Variants in LAMTOR2 observed in about 807,000 individuals in gnomAD.
The protein encoded by LAMTOR2 is ragulator complex protein LAMTOR2.
LAMTOR2 carries 4 observed loss-of-function variants against 15.8 expected under a neutral mutation model. The ratio of observed to expected loss-of-function variants is 0.25; its 90% CI spans 0.12 to 0.58. LAMTOR2 has a LOEUF of 0.58. Among genes scored for constraint, LAMTOR2 ranks in the 20% least tolerant of loss-of-function variants. The probability of loss-of-function intolerance (pLI) is 0.91; values close to 1 mark genes in which losing one functional copy is unlikely to be tolerated. For missense variants in LAMTOR2, 100 were observed against 161.0 expected, an observed-to-expected ratio of 0.62 and a Z score of 2.05; for synonymous variants, 62 against 64.1, an observed-to-expected ratio of 0.97 and a Z score of 0.15.
intron 3 of LAMTOR2, 26 bp from the exon 4 acceptor site, chr1:156,058,289 G>A: frequency 1.2e-6 from 2 of 1,614,096 alleles, no homozygotes; most frequent in African/African-American, 1.3e-5. Flanking sequence ...CTGTGTGCGG[G>A]ACTGATCTCT....
chr1:156,056,188 AG>A (rs927966425), intron 2 of LAMTOR2, among the ~76,000 whole-genome samples: 7 of 152,128 alleles, frequency 4.6e-5, no homozygotes, highest in Admixed American at 1.3e-4. Context: ...ATTTTTCCAG[AG>A]ACTGGGTTTT....
chr1:156,055,689 C>T lies in LAMTOR2; in HGVS notation c.231+264C>T. On this transcript the variant is annotated intron_variant, in intron 2 of 3. Transcript: ENST00000368305. This position sits in a 1 kb window ranked among gnomAD's most constrained non-coding sequence, Gnocchi z 4.8. ...GTGGAACCTTGGGTAAGTCGCTTAA[C>T]CTCTCTCAGCTTCCTTACCTCATGT... 1.9e-6 allele frequency: 1 copy of T among 519,926 alleles called. No homozygotes were observed. Among genetic ancestry groups the T allele is most frequent in the Non-Finnish European group, 3.5e-6 (1 of 286,228 alleles). The allele number at this position is 519,926 out of a possible 1,614,324, so 32.2% of individuals were successfully genotyped here.
rs889095551 is a variant in LAMTOR2, at chr1:156,058,064, C to G, written c.318C>G (p.Ala106=). Residue 106 remains alanine (A), a synonymous_variant, in exon 3 of 4, where the codon GCC becomes GCG. Coordinates refer to ENST00000368305, the MANE Select transcript of LAMTOR2 (RefSeq NM_014017.4). ...CCGTGGGCTTTGGAATGCTCAAGGC[C>G]AAGGTGTGTATGTGCCCATCCCTCC... ...KETVGFGMLK[A]KAQALVQYLE... is the part of the protein sequence containing the mutation. The G allele has an allele frequency of 2.5e-6, 4 of 1,613,968 alleles. No individual in the cohort carries two copies. The Admixed American group carries it at 6.7e-5, about 27-fold the overall frequency.
Position 156,057,886 on chromosome 1 carries a change from A to T in LAMTOR2, c.232-92A>T, listed in dbSNP as rs929423708. On this transcript the variant is annotated intron_variant, in intron 2 of 3. Coordinates refer to ENST00000368305, the MANE Select transcript of LAMTOR2 (RefSeq NM_014017.4). ...TGTGCCCAGGGCATGGGAGGAAGAT[A>T]TAGTCTCTCTGGGGCCAGAGAAGCC... 5.8e-6 allele frequency: 7 copies of T among 1,203,752 alleles called. No homozygotes were observed. In the African/African-American group the frequency reaches 9.0e-5, roughly 15 times the overall value. The allele number at this position is 1,203,752 out of a possible 1,614,324, so 74.6% of individuals were successfully genotyped here. A position where few individuals can be genotyped will look rare whatever the true frequency, so the allele number is the denominator to read the frequency against.
Position 156,058,420 on chromosome 1 carries a change from G to GCCCC in LAMTOR2, c.*49_*50insCCCC. 6.2e-7 allele frequency: 1 copy of GCCCC among 1,602,944 alleles called. No individual in the cohort carries two copies. The highest frequency in any genetic ancestry group is 8.5e-7 in the Non-Finnish European group (1 of 1,170,032). On this transcript the variant is annotated 3_prime_UTR_variant, in exon 4 of 4. Coordinates refer to ENST00000368305, the MANE Select transcript of LAMTOR2 (RefSeq NM_014017.4). Reference sequence around the variant, plus strand: ...AGAAAAGAGAAATGACCATTTGGAGGGGCGGGGCCTCCTAGAAGAACCTTC... The same window carrying GCCCC: ...AGAAAAGAGAAATGACCATTTGGAGGCCCCGGCGGGGCCTCCTAGAAGAACCTTC...
rs1427623118 is a variant in LAMTOR2 at position 156,055,224 on chromosome 1, G to A, written c.69-39G>A. 6.2e-7 allele frequency: 1 copy of A among 1,611,116 alleles called. No individual in the cohort carries two copies. The highest frequency in any genetic ancestry group is 1.3e-5 in the African/African-American group (1 of 74,898). The stretch of plus-strand genomic sequence containing the variant: ...TGGAAACCCAGACGTTTTACTCCCC[G>A]CTCTGAGCACATCGCTATCCCTCCC... On this transcript the variant is annotated intron_variant, in intron 1 of 3. Coordinates refer to ENST00000368305, the MANE Select transcript of LAMTOR2 (RefSeq NM_014017.4). This position sits in a 1 kb window ranked among gnomAD's most constrained non-coding sequence, Gnocchi z 4.8.
At chr1:156,056,647 C>T (rs1647382324) in intron 2 of LAMTOR2, among the ~76,000 whole-genome samples, 1 of 152,104 alleles carries the variant, frequency 6.6e-6, no homozygotes, top group Admixed American at 6.6e-5. Flanking sequence ...TGCTTGGTTC[C>T]TGGCATACAA....
At position 156,055,062 on chromosome 1, in the gene LAMTOR2, GA is replaced by G; in HGVS notation, c.68+106del. 7.0e-7 allele frequency: 1 copy of G among 1,424,906 alleles called. No homozygotes were observed. The highest frequency in any genetic ancestry group is 1.2e-5 in the South Asian group (1 of 85,962). 88.3% of individuals were successfully genotyped at this position (1,424,906 alleles called of 1,614,324 possible). On this transcript the variant is annotated intron_variant, in intron 1 of 3. Transcript: ENST00000368305. This position sits in a 1 kb window ranked among gnomAD's most constrained non-coding sequence, Gnocchi z 4.8. Reference sequence around the variant, plus strand: ...ATCACCAGGAAGGGAGGAAGCGGCAGAGGGGGCAGCGGCTGGGGATACCGGC... The same window carrying G: ...ATCACCAGGAAGGGAGGAAGCGGCAGGGGGGCAGCGGCTGGGGATACCGGC...
In LAMTOR2 at chr1:156,055,220, C is replaced by A. The variant is rs1340944900; in HGVS notation, c.69-43C>A. The A allele has an allele frequency of 6.2e-7, 1 of 1,610,476 alleles. No individual in the cohort carries two copies. Among genetic ancestry groups the A allele is most frequent in the Admixed American group, 1.7e-5 (1 of 60,016 alleles). Reference sequence around the variant, plus strand: ...GGGATGGAAACCCAGACGTTTTACTCCCCGCTCTGAGCACATCGCTATCCC... The same window carrying A: ...GGGATGGAAACCCAGACGTTTTACTACCCGCTCTGAGCACATCGCTATCCC... On this transcript the variant is annotated intron_variant, in intron 1 of 3. Transcript: ENST00000368305. This position sits in a 1 kb window ranked among gnomAD's most constrained non-coding sequence, Gnocchi z 4.8.
In LAMTOR2 at chr1:156,055,883, C is replaced by A. The variant is rs189710278; in HGVS notation, c.231+458C>A. 8.4e-5 allele frequency: 16 copies of A among 190,522 alleles called. No homozygotes were observed. In the East Asian group the frequency reaches 1.4e-3, roughly 17 times the overall value. The allele number at this position is 190,522 out of a possible 1,614,324, so 11.8% of individuals were successfully genotyped here. ...GCAGTCTCCAGACCCTAGTCCAACC[C>A]CTTAAGCTTTCAAAGAAAGGAAAAT... On this transcript the variant is annotated intron_variant, in intron 2 of 3. Coordinates refer to ENST00000368305, the MANE Select transcript of LAMTOR2 (RefSeq NM_014017.4). The surrounding 1 kb of genome is among the most constrained non-coding windows in gnomAD (Gnocchi z 4.8).
chr1:156,057,138 A>G (rs1647397304), intron 2 of LAMTOR2, among the ~76,000 whole-genome samples: 1 of 147,860 alleles, frequency 6.8e-6, no homozygotes, highest in Non-Finnish European at 1.5e-5. Context: ...AGATCACGCC[A>G]CTGCACTCCA....
At chr1:156,058,123 T>C in intron 3 of LAMTOR2, 56 bp downstream of exon 3, 1 of 1,557,674 alleles carries the variant, frequency 6.4e-7, no homozygotes, top group Admixed American at 1.7e-5. Context: ...GCTTCTACAC[T>C]GTGTTCACTC....
intron 2 of LAMTOR2, among the ~76,000 whole-genome samples, chr1:156,057,045 G>A (rs566290912): frequency 6.6e-6 from 1 of 152,052 alleles, no homozygotes; most frequent in African/African-American, 2.4e-5. Context: ...GGGCATGGTG[G>A]TGCGTGCCTG....
intron 3 of LAMTOR2, 40 bp from the exon 4 acceptor site, chr1:156,058,275 C>T: frequency 1.2e-6 from 2 of 1,613,698 alleles, no homozygotes. Flanking sequence ...TCCCTAATGC[C>T]AGGCTGTGTG....
chr1:156,055,470 C>A lies in LAMTOR2; in HGVS notation c.231+45C>A. 2 of 1,610,016 alleles carry A rather than the reference C, an allele frequency of 1.2e-6. No homozygotes were observed. Among genetic ancestry groups the A allele is most frequent in the Non-Finnish European group, 1.7e-6 (2 of 1,176,702 alleles). On this transcript the variant is annotated intron_variant, in intron 2 of 3. Coordinates refer to ENST00000368305, the MANE Select transcript of LAMTOR2 (RefSeq NM_014017.4). The surrounding 1 kb of genome is among the most constrained non-coding windows in gnomAD (Gnocchi z 4.8). ...ACTTCCCCTGTCCCCCAAAGGGGAT[C>A]CCAAGGGGGCGACCTGGACCCCATC... is the stretch of plus-strand genomic sequence containing the variant.
intron 2 of LAMTOR2, 143 bp from the exon 3 acceptor site, chr1:156,057,835 A>T: frequency 5.2e-6 from 4 of 767,172 alleles, no homozygotes; most frequent in Non-Finnish European, 8.9e-6. Flanking sequence ...GGCTGTGGCC[A>T]AAAGCTTTTC....
intron 2 of LAMTOR2, 125 bp from the exon 3 acceptor site, chr1:156,057,849 TGAAC>T: frequency 1.1e-6 from 1 of 882,500 alleles, no homozygotes; most frequent in Non-Finnish European, 1.8e-6. Flanking sequence ...GCTTTTCCGC[TGAAC>T]TTCCTGCTGT....
chr1:156,055,611 T>A lies in LAMTOR2; in HGVS notation c.231+186T>A. ...TCAAGTGGTGGTGAGGAAGGATCCCTGGACCTGAGAGGTCTGACTTGGGTT... is the reference window on the plus strand; with the variant it reads ...TCAAGTGGTGGTGAGGAAGGATCCCAGGACCTGAGAGGTCTGACTTGGGTT... On this transcript the variant is annotated intron_variant, in intron 2 of 3. Coordinates refer to ENST00000368305, the MANE Select transcript of LAMTOR2 (RefSeq NM_014017.4). This position sits in a 1 kb window ranked among gnomAD's most constrained non-coding sequence, Gnocchi z 4.8. 1 of 679,908 alleles carries A rather than the reference T, an allele frequency of 1.5e-6. No individual in the cohort carries two copies. Among genetic ancestry groups the A allele is most frequent in the Non-Finnish European group, 2.5e-6 (1 of 397,206 alleles). The allele number at this position is 679,908 out of a possible 1,614,324, so 42.1% of individuals were successfully genotyped here.
Position 156,058,213 on chromosome 1 carries a change from G to T in LAMTOR2, c.322-102G>T. The T allele has an allele frequency of 5.2e-6, 8 of 1,534,500 alleles. No homozygotes were observed. The South Asian group carries it at 9.0e-5, about 17-fold the overall frequency. ...GGGCCAGCTCCCAAGAGCAGGTGGG[G>T]GTTGGGGGCTGGTTGCTTCCTATGG... On this transcript the variant is annotated intron_variant, in intron 3 of 3. Coordinates refer to ENST00000368305, the MANE Select transcript of LAMTOR2 (RefSeq NM_014017.4).
Sources: allele counts gnomAD v4.1 joint callset (sites outside exome capture counted in the v4.1 genomes callset), GRCh38; gene constraint gnomAD v4.1.1; non-coding constraint Gnocchi (gnomAD v3.1); transcripts MANE v1.5; gene names NCBI Gene and HGNC (gene_info 2026-07-23, HGNC 2026-07-21).